Variants in RBFOX1 observed in about 807,000 individuals in gnomAD.
RBFOX1 encodes the protein RNA binding fox-1 homolog 1.
RBFOX1 carries 8 observed loss-of-function variants against 57.7 expected under a neutral mutation model. That is an observed-to-expected ratio of 0.14 (90% CI 0.08 to 0.25). The LOEUF (loss-of-function observed/expected upper bound fraction) is 0.25, where lower values mean the gene tolerates loss of function less well. RBFOX1 is among the 10% of genes least tolerant of loss of function. The pLI, the probability that RBFOX1 is intolerant of heterozygous loss-of-function variation, is 1.00. For synonymous variants in RBFOX1, 326 were observed against 222.4 expected (o/e 1.47, Z -4.15); for missense variants, 611 against 548.5 (o/e 1.11, Z -1.14).
At chr16:5,696,426 G>T (rs1472251128) in intron 3 of RBFOX1, among the ~76,000 whole-genome samples, 1 of 152,120 alleles carries the variant, frequency 6.6e-6, no homozygotes, top group East Asian at 1.9e-4. Context: ...TGGACATTCA[G>T]GTTATTTACA....
chr16:6,398,565 G>T (rs1038521197), intron 2 of RBFOX1, among the ~76,000 whole-genome samples: 1 of 152,028 alleles, frequency 6.6e-6, no homozygotes, highest in African/African-American at 2.4e-5. Flanking sequence ...AGGGACTACA[G>T]GTCCCATGTG....
intron 2 of RBFOX1, among the ~76,000 whole-genome samples, chr16:6,535,028 G>T (rs1236976042): frequency 2.0e-5 from 3 of 152,166 alleles, no homozygotes; most frequent in African/African-American, 7.2e-5. Flanking sequence ...CATGACACAG[G>T]TCTGCTACAG....
chr16:7,696,277 A>G (rs574466848), intron 14 of RBFOX1, among the ~76,000 whole-genome samples: 40 of 152,330 alleles, frequency 2.6e-4, no homozygotes, highest in African/African-American at 8.4e-4. Context: ...CTAGGCTTTT[A>G]TAACAGGGCA....
intron 1 of RBFOX1, among the ~76,000 whole-genome samples, chr16:6,208,556 C>A (rs1284981860): frequency 2.0e-5 from 3 of 152,162 alleles, no homozygotes; most frequent in Non-Finnish European, 2.9e-5. Flanking sequence ...AATTCTCTCC[C>A]CTTTATCTTA....
intron 2 of RBFOX1, among the ~76,000 whole-genome samples, chr16:6,459,950 C>G (rs535895707): frequency 1.2e-3 from 138 of 118,060 alleles, no homozygotes; most frequent in Non-Finnish European, 1.5e-3. Flanking sequence ...TGCCATTGCA[C>G]TCCAGCCCGG....
chr16:6,020,186 C>T (rs2152348153), intron 1 of RBFOX1, among the ~76,000 whole-genome samples, 194 bp downstream of exon 1: 1 of 152,182 alleles, frequency 6.6e-6, no homozygotes, highest in South Asian at 2.1e-4. Flanking sequence ...CCCCAGGAGG[C>T]CGAGACCCTG....
intron 1 of RBFOX1, among the ~76,000 whole-genome samples, chr16:5,375,808 T>C (rs1198465155): frequency 6.6e-6 from 1 of 152,214 alleles, no homozygotes; most frequent in Admixed American, 6.5e-5. Flanking sequence ...TAATATACTG[T>C]TGTTAAACTA....
chr16:7,500,787 G>T (rs981057835), intron 4 of RBFOX1, among the ~76,000 whole-genome samples: 5 of 152,168 alleles, frequency 3.3e-5, no homozygotes, highest in East Asian at 3.9e-4. Context: ...GATATGGTTT[G>T]TCAGTGTCCC....
chr16:7,075,376 G>A (rs530653902), intron 4 of RBFOX1, among the ~76,000 whole-genome samples: 1 of 152,212 alleles, frequency 6.6e-6, no homozygotes, highest in Non-Finnish European at 1.5e-5. Context: ...AAAACTTTCA[G>A]TTGCTGTGTT....
intron 1 of RBFOX1, among the ~76,000 whole-genome samples, chr16:6,282,366 T>A (rs28403999): frequency 1.9e-3 from 288 of 151,424 alleles, no homozygotes; most frequent in African/African-American, 6.6e-3. Context: ...TTTTTTTTTT[T>A]TTTTTTTTTT....
intron 4 of RBFOX1, among the ~76,000 whole-genome samples, chr16:7,096,272 T>A (rs1309887683): frequency 6.6e-6 from 1 of 152,128 alleles, no homozygotes; most frequent in African/African-American, 2.4e-5. Context: ...AAAGGGGATA[T>A]GTAGGCTGAG....
chr16:6,654,438 C>A (rs1253405428), intron 2 of RBFOX1, among the ~76,000 whole-genome samples, 165 bp from the exon 3 acceptor site: 1 of 152,112 alleles, frequency 6.6e-6, no homozygotes, highest in Non-Finnish European at 1.5e-5. Context: ...GCAGTATGTA[C>A]CTTTAAAAAG....
chr16:7,395,202 C>T (rs2098121141), intron 4 of RBFOX1, among the ~76,000 whole-genome samples: 1 of 150,824 alleles, frequency 6.6e-6, no homozygotes, highest in South Asian at 2.1e-4. Flanking sequence ...CTAACTCTTG[C>T]CTGATCTATG....
intron 11 of RBFOX1, among the ~76,000 whole-genome samples, chr16:7,643,243 G>A (rs1030649419): frequency 3.3e-5 from 5 of 152,168 alleles, no homozygotes; most frequent in African/African-American, 9.7e-5. Context: ...TGTTAAGTTA[G>A]GGGAACTTTC....
intron 3 of RBFOX1, among the ~76,000 whole-genome samples, chr16:5,763,234 C>G (rs1567508700): frequency 6.6e-6 from 1 of 151,910 alleles, no homozygotes. Flanking sequence ...ATTGCAGATC[C>G]ACACTCGGAT....
At chr16:7,125,725 C>G (rs573711885) in intron 4 of RBFOX1, among the ~76,000 whole-genome samples, 1 of 151,974 alleles carries the variant, frequency 6.6e-6, no homozygotes, top group Non-Finnish European at 1.5e-5. Flanking sequence ...CCTAAACTCC[C>G]TTTGTTTCAC....
intron 2 of RBFOX1, among the ~76,000 whole-genome samples, chr16:6,472,645 A>G (rs1597734967): frequency 1.3e-5 from 2 of 150,620 alleles, no homozygotes; most frequent in East Asian, 1.9e-4. Context: ...TTTTTTTTCA[A>G]TGGAATCTCA....
chr16:6,522,375 A>C (rs1406538275), intron 2 of RBFOX1, among the ~76,000 whole-genome samples: 4 of 152,176 alleles, frequency 2.6e-5, no homozygotes, highest in Non-Finnish European at 5.9e-5. Context: ...CTGTTGGATT[A>C]ATTTTTACCC....
intron 3 of RBFOX1, among the ~76,000 whole-genome samples, chr16:6,660,665 C>T (rs894734305): frequency 1.8e-4 from 28 of 152,156 alleles, no homozygotes; most frequent in African/African-American, 6.8e-4. Flanking sequence ...GTGATACAAT[C>T]TGCTTGAAAT....
Sources: allele counts gnomAD v4.1 joint callset (sites outside exome capture counted in the v4.1 genomes callset), GRCh38; gene constraint gnomAD v4.1.1; transcripts MANE v1.5; gene names NCBI Gene and HGNC (gene_info 2026-07-23, HGNC 2026-07-21).